Variants in NRXN3 observed in about 807,000 individuals in gnomAD.
NRXN3 encodes the protein neurexin 3.
Under a neutral mutation model 137.6 loss-of-function variants are expected in NRXN3, and 32 were observed. That is an observed-to-expected ratio of 0.23 (90% CI 0.18 to 0.31). NRXN3 has a LOEUF of 0.31. Ranked by LOEUF, NRXN3 falls within the 10% of genes least tolerant of loss-of-function variation. The pLI, the probability that NRXN3 is intolerant of heterozygous loss-of-function variation, is 1.00. For missense variants in NRXN3, 1,574 were observed against 2,062.5 expected, an observed-to-expected ratio of 0.76 and a Z score of 4.59; for synonymous variants, 798 against 784.5, an observed-to-expected ratio of 1.02 and a Z score of -0.29.
At chr14:79,614,388 T>A (rs550372075) in intron 16 of NRXN3, among the ~76,000 whole-genome samples, 2,427 of 152,222 alleles carry the variant, frequency 0.016, 78 homozygotes, top group African/African-American at 0.055. Context: ...TCATGAACTT[T>A]TTTTTTTCCT....
chr14:78,821,143 G>A (rs1026867091), intron 10 of NRXN3, among the ~76,000 whole-genome samples: 6 of 152,122 alleles, frequency 3.9e-5, no homozygotes, highest in Admixed American at 6.6e-5. Context: ...AAAAAGAGGG[G>A]GATCACTGCA....
intron 1 of NRXN3, among the ~76,000 whole-genome samples, chr14:78,218,867 C>T (rs926529424): frequency 1.1e-4 from 17 of 152,198 alleles, no homozygotes; most frequent in Non-Finnish European, 2.9e-5. Context: ...GTGGCTTAAA[C>T]AGCTGAAGTT....
chr14:79,153,692 C>A (rs1167601467), intron 15 of NRXN3, among the ~76,000 whole-genome samples: 1 of 151,908 alleles, frequency 6.6e-6, no homozygotes, highest in African/African-American at 2.4e-5. Context: ...CCTGAGTAGA[C>A]CTCTTTTTTC....
chr14:78,203,258 A>G (rs1012466480), intron 1 of NRXN3, among the ~76,000 whole-genome samples: 1 of 152,056 alleles, frequency 6.6e-6, no homozygotes, highest in Non-Finnish European at 1.5e-5. Flanking sequence ...TTCACCCCCA[A>G]CCCCCATGTG....
At chr14:79,345,287 T>C (rs2092811716) in intron 15 of NRXN3, among the ~76,000 whole-genome samples, 1 of 152,102 alleles carries the variant, frequency 6.6e-6, no homozygotes, top group Non-Finnish European at 1.5e-5. Flanking sequence ...ACAAAAGCCA[T>C]ATAAGATTTA....
At chr14:78,244,946 A>G (rs1260796502) in intron 2 of NRXN3, among the ~76,000 whole-genome samples, 1 of 152,242 alleles carries the variant, frequency 6.6e-6, no homozygotes, top group East Asian at 1.9e-4. Context: ...GTTTGGGGTT[A>G]GATCTAAGAG....
intron 15 of NRXN3, among the ~76,000 whole-genome samples, chr14:79,104,209 A>G (rs1365092968): frequency 1.3e-5 from 2 of 152,182 alleles, no homozygotes; most frequent in African/African-American, 2.4e-5. Context: ...TCTTATTAGA[A>G]TGGAAGTTCC....
intron 8 of NRXN3, among the ~76,000 whole-genome samples, chr14:78,793,514 G>A (rs911552314): frequency 6.6e-5 from 10 of 152,114 alleles, no homozygotes; most frequent in Non-Finnish European, 1.3e-4. Context: ...GGAAAAAGGC[G>A]CATGGGGGCA....
chr14:78,479,176 C>T lies in NRXN3; in HGVS notation c.758-165944C>T, dbSNP rs576815167. The stretch of plus-strand genomic sequence containing the variant: ...ATCACCTGGCGAACTTTAAAAATTA[C>T]CAATGCCCAGGACCTTCCCCCACCT... On this transcript the variant is annotated intron_variant, in intron 4 of 20. Coordinates refer to ENST00000335750, the MANE Select transcript of NRXN3 (RefSeq NM_001330195.2). Among the ~76,000 whole-genome samples the T allele has an allele frequency of 9.2e-5, 14 of 152,292 alleles. No homozygotes were observed. In the South Asian group the frequency reaches 1.7e-3, roughly 18 times the overall value.
chr14:79,752,028 A>T lies in NRXN3; in HGVS notation c.4015-53084A>T, dbSNP rs1196556126. On this transcript the variant is annotated intron_variant, in intron 19 of 20. Transcript: ENST00000335750. ...TGTTCATCAAGGATATTGGTCTAAA[A>T]TTCTCTTTTTTGGTTGTGTCTCTGT... Among the ~76,000 whole-genome samples the T allele has an allele frequency of 3.3e-5, 5 of 152,224 alleles. No homozygotes were observed. The East Asian group carries it at 9.7e-4, about 29-fold the overall frequency.
intron 10 of NRXN3, among the ~76,000 whole-genome samples, chr14:78,873,375 G>A (rs567526704): frequency 6.6e-6 from 1 of 152,218 alleles, no homozygotes; most frequent in African/African-American, 2.4e-5. Flanking sequence ...CTTGTGTTTA[G>A]TCCACCATAC....
intron 4 of NRXN3, among the ~76,000 whole-genome samples, chr14:78,497,883 G>A (rs889509997): frequency 6.6e-6 from 1 of 152,132 alleles, no homozygotes; most frequent in Non-Finnish European, 1.5e-5. Flanking sequence ...GTTGTTATAA[G>A]GATCACAAAG....
intron 16 of NRXN3, among the ~76,000 whole-genome samples, chr14:79,482,685 G>A (rs538453186): frequency 1.3e-5 from 2 of 151,490 alleles, no homozygotes; most frequent in East Asian, 3.9e-4. Flanking sequence ...ACCTGGGGGG[G>A]AGAAAAAAAA....
chr14:79,289,373 C>A (rs959494876), intron 15 of NRXN3, among the ~76,000 whole-genome samples: 1 of 152,172 alleles, frequency 6.6e-6, no homozygotes, highest in Admixed American at 6.5e-5. Context: ...GTAATCCCAA[C>A]ACTTGGGAGG....
chr14:79,136,118 TC>T (rs1447445514), intron 15 of NRXN3, among the ~76,000 whole-genome samples: 1 of 152,212 alleles, frequency 6.6e-6, no homozygotes, highest in Non-Finnish European at 1.5e-5. Context: ...GGGCTGGGTT[TC>T]CAGAGGCATA....
At chr14:79,508,573 G>C (rs1215194648) in intron 16 of NRXN3, among the ~76,000 whole-genome samples, 1 of 151,048 alleles carries the variant, frequency 6.6e-6, no homozygotes, top group Non-Finnish European at 1.5e-5. Context: ...TGTATTTTTA[G>C]TAGAGATGGG....
At chr14:78,928,737 TGTGAATTA>T (rs1440489469) in intron 10 of NRXN3, among the ~76,000 whole-genome samples, 1 of 130,202 alleles carries the variant, frequency 7.7e-6, no homozygotes, top group East Asian at 2.5e-4. Context: ...TCTTTGCTAT[TGTGAATTA>T]GTGCCTCAAT....
chr14:79,508,525 G>T (rs1009906727), intron 16 of NRXN3, among the ~76,000 whole-genome samples: 1 of 151,150 alleles, frequency 6.6e-6, no homozygotes, highest in Non-Finnish European at 1.5e-5. Context: ...AAGTAACTGG[G>T]ATTACAGGTG....
At chr14:79,051,309 T>G (rs2099641575) in intron 15 of NRXN3, among the ~76,000 whole-genome samples, 1 of 152,182 alleles carries the variant, frequency 6.6e-6, no homozygotes, top group Non-Finnish European at 1.5e-5. Flanking sequence ...ATTGTCACTG[T>G]GCTAAGTGGT....
Sources: allele counts gnomAD v4.1 joint callset (sites outside exome capture counted in the v4.1 genomes callset), GRCh38; gene constraint gnomAD v4.1.1; transcripts MANE v1.5; gene names NCBI Gene and HGNC (gene_info 2026-07-23, HGNC 2026-07-21).